Variants in TBL1X observed in about 807,000 individuals in gnomAD.
The protein encoded by TBL1X is F-box-like/WD repeat-containing protein TBL1X.
Under a neutral mutation model 50.7 loss-of-function variants are expected in TBL1X, and 10 were observed. The observed-to-expected ratio is 0.20, with a 90% CI of 0.12 to 0.33. TBL1X has a LOEUF of 0.33. Ranked by LOEUF, TBL1X falls within the 10% of genes least tolerant of loss-of-function variation. The pLI, the probability that TBL1X is intolerant of heterozygous loss-of-function variation, is 1.00. For synonymous variants in TBL1X, 190 were observed against 214.7 expected, an observed-to-expected ratio of 0.88 and a Z score of 1.01; for missense variants, 340 against 504.4, an observed-to-expected ratio of 0.67 and a Z score of 3.12.
At chrX:9,492,912 A>G (rs1363363007) in intron 1 of TBL1X, among the ~76,000 whole-genome samples, 3 of 94,435 alleles carry the variant, frequency 3.2e-5, no homozygotes, top group Admixed American at 2.4e-4. Flanking sequence ...GGAGGAAGGA[A>G]TGGAAGGATG....
chrX:9,623,561 C>T lies in TBL1X; in HGVS notation c.-130-16712C>T, dbSNP rs540476429. On this transcript the variant is annotated intron_variant, in intron 2 of 17. Transcript: ENST00000645353. Reference sequence around the variant, plus strand: ...AATTAGCGGGGCATAGTGGTGCATGCTTGTAGTCCCAGCTACTTGGGAGGT... The same window carrying T: ...AATTAGCGGGGCATAGTGGTGCATGTTTGTAGTCCCAGCTACTTGGGAGGT... Among the ~76,000 whole-genome samples, 6 of 111,478 alleles carry T rather than the reference C, an allele frequency of 5.4e-5. No homozygotes were observed. The South Asian group carries it at 2.3e-3, about 43-fold the overall frequency.
intron 2 of TBL1X, among the ~76,000 whole-genome samples, chrX:9,576,488 G>A (rs1601769770): frequency 9.0e-6 from 1 of 111,722 alleles, no homozygotes; most frequent in Non-Finnish European, 1.9e-5. Context: ...TCAACCATCT[G>A]TCCTTTCCCA....
At chrX:9,554,625 A>T (rs534926450) in intron 2 of TBL1X, among the ~76,000 whole-genome samples, 1 of 112,535 alleles carries the variant, frequency 8.9e-6, no homozygotes, top group African/African-American at 3.2e-5. Flanking sequence ...AATTGGAAGT[A>T]GTCTAGTTTT....
At chrX:9,618,930 G>A (rs1415298761) in intron 2 of TBL1X, among the ~76,000 whole-genome samples, 7 of 111,779 alleles carry the variant, frequency 6.3e-5, no homozygotes, top group Non-Finnish European at 9.4e-5. Flanking sequence ...CATGTTGTAG[G>A]TTCAGAGTTT....
chrX:9,567,021 A>G (rs963912241), intron 2 of TBL1X, among the ~76,000 whole-genome samples: 2 of 111,731 alleles, frequency 1.8e-5, no homozygotes, highest in African/African-American at 6.5e-5. Flanking sequence ...TTAAAATACA[A>G]CATGTGTGCC....
chrX:9,504,917 G>C (rs2521377), intron 2 of TBL1X, among the ~76,000 whole-genome samples: 1 of 110,402 alleles, frequency 9.1e-6, no homozygotes, highest in Non-Finnish European at 1.9e-5. Context: ...AACTTCCCCA[G>C]ACTACCAAGA....
At chrX:9,589,897 C>A (rs2082490317) in intron 2 of TBL1X, among the ~76,000 whole-genome samples, 1 of 111,642 alleles carries the variant, frequency 9.0e-6, no homozygotes. Flanking sequence ...TGGTCAAGGT[C>A]ATCATCATCA....
intron 2 of TBL1X, among the ~76,000 whole-genome samples, chrX:9,609,333 C>G (rs1327366811): frequency 1.4e-5 from 1 of 69,940 alleles, no homozygotes; most frequent in Non-Finnish European, 2.5e-5. Context: ...GTGTTTTCTT[C>G]CAGGTGTGTG....
intron 17 of TBL1X, among the ~76,000 whole-genome samples, chrX:9,715,881 T>C (rs1481247530): frequency 8.9e-6 from 1 of 112,135 alleles, no homozygotes; most frequent in Non-Finnish European, 1.9e-5. Context: ...AGTCCCCAAA[T>C]GTTGTCAGAG....
At chrX:9,532,441 G>C (rs2082166996) in intron 2 of TBL1X, among the ~76,000 whole-genome samples, 1 of 111,562 alleles carries the variant, frequency 9.0e-6, no homozygotes, top group African/African-American at 3.3e-5. Flanking sequence ...GCGGTTAGGG[G>C]GCAAGCCCAT....
At chrX:9,565,271 CAA>C (rs757679440) in intron 2 of TBL1X, among the ~76,000 whole-genome samples, 6 of 37,392 alleles carry the variant, frequency 1.6e-4, no homozygotes, top group Admixed American at 9.7e-4. Context: ...GACTCCGTCT[CAA>C]AAAAAAAAAA....
At chrX:9,629,524 TAGAG>T (rs1182349772) in intron 2 of TBL1X, among the ~76,000 whole-genome samples, 64 of 112,190 alleles carry the variant, frequency 5.7e-4, no homozygotes, top group Middle Eastern at 4.6e-3. Context: ...CAAATTATGA[TAGAG>T]AGCACTGTGA....
intron 13 of TBL1X, among the ~76,000 whole-genome samples, chrX:9,707,067 C>G (rs1292495973): frequency 8.9e-6 from 1 of 111,788 alleles, no homozygotes; most frequent in East Asian, 2.8e-4. Context: ...ACCATGGCAT[C>G]TTGCCTTTCT....
intron 3 of TBL1X, among the ~76,000 whole-genome samples, chrX:9,642,207 C>T (rs748634181): frequency 9.0e-6 from 1 of 111,589 alleles, no homozygotes; most frequent in South Asian, 3.8e-4. Context: ...TTCTCCTCTG[C>T]GTGAGGTATC....
chrX:9,548,546 T>C (rs1007496394), intron 2 of TBL1X, among the ~76,000 whole-genome samples: 8 of 112,143 alleles, frequency 7.1e-5, no homozygotes, highest in African/African-American at 2.6e-4. Context: ...TGAGACCGTC[T>C]AGGGAGTTTT....
At chrX:9,543,985 A>G (rs1490294389) in intron 2 of TBL1X, among the ~76,000 whole-genome samples, 3 of 110,871 alleles carry the variant, frequency 2.7e-5, no homozygotes, top group African/African-American at 9.9e-5. Flanking sequence ...AAAACAAAAA[A>G]CAATCACAAA....
chrX:9,651,163 G>T (rs2146596691), intron 3 of TBL1X, among the ~76,000 whole-genome samples: 1 of 109,088 alleles, frequency 9.2e-6, no homozygotes, highest in South Asian at 4.0e-4. Context: ...GAGTAGCTGG[G>T]ACTACAGGCG....
chrX:9,557,179 T>C (rs1601755666), intron 2 of TBL1X, among the ~76,000 whole-genome samples: 2 of 111,907 alleles, frequency 1.8e-5, no homozygotes, highest in South Asian at 3.7e-4. Flanking sequence ...TCCTGTAGGA[T>C]TTATTCTTGG....
At chrX:9,508,776 T>A (rs866580885) in intron 2 of TBL1X, among the ~76,000 whole-genome samples, 2 of 111,920 alleles carry the variant, frequency 1.8e-5, no homozygotes, top group African/African-American at 6.5e-5. Flanking sequence ...AATGAGATCA[T>A]GTCCTTTGCA....
Sources: gnomAD v4.1 joint callset for allele counts (sites outside exome capture counted in the v4.1 genomes callset) on GRCh38, gnomAD v4.1.1 for gene constraint, MANE v1.5 for transcripts, NCBI Gene and HGNC (gene_info 2026-07-23, HGNC 2026-07-21) for gene names.